The following TCF20 variants were observed in gnomAD, a reference collection of about 807,000 sequenced individuals.
TCF20 encodes the protein SPRE-binding protein.
A neutral mutation model predicts 148.6 loss-of-function variants in TCF20; 3 were observed. The observed-to-expected ratio is 0.02, with a 90% CI of 0.01 to 0.05. TCF20 has a LOEUF of 0.05. Ranked by LOEUF, TCF20 falls within the 10% of genes least tolerant of loss-of-function variation. TCF20 has a pLI of 1.00. For synonymous variants in TCF20, 1,049 were observed against 909.5 expected, an observed-to-expected ratio of 1.15 and a Z score of -2.76; for missense variants, 2,350 against 2,429.3, an observed-to-expected ratio of 0.97 and a Z score of 0.69.
In TCF20 at chr22:42,213,249, G is replaced by A; in HGVS notation, c.2057C>T (p.Ser686Phe). ...NGEGNGQSGH[S>F]AAGPGFTSRT... ...GCTCGTAAAACCAGGGCCCGCTGCA[G>A]AGTGGCCACTCTGGCCATTTCCTTC... Residue 686 changes from serine to phenylalanine, a missense_variant, in exon 2 of 6, where the codon TCT becomes TTT. Physicochemically the swap from Ser to Phe is radical, Grantham distance 155. This residue lies in a region of TCF20 where 1,641 missense variants were observed against 1,662.6 expected (regional missense o/e 0.99). Transcript: ENST00000677622. 6.2e-7 allele frequency: 1 copy of A among 1,614,188 alleles called. No individual in the cohort carries two copies. The highest frequency in any genetic ancestry group is 8.5e-7 in the Non-Finnish European group (1 of 1,180,034).
In TCF20 at chr22:42,211,853, A is replaced by G; in HGVS notation, c.3453T>C (p.Thr1151=). The change falls in exon 2 of 6, where the codon ACT becomes ACC. Residue 1151 remains threonine (T), a synonymous_variant. Transcript: ENST00000677622. ...DGMMYGPPVG[T]YHDPSAQEAG... ...CCTCCTGGGCACTGGGGTCATGGTA[A>G]GTCCCCACTGGTGGGCCATACATCA... is the stretch of plus-strand genomic sequence containing the variant. 1 of 1,614,166 alleles carries G rather than the reference A, an allele frequency of 6.2e-7. No homozygotes were observed.
chr22:42,250,629 G>A (rs1925287559), intron 1 of TCF20, among the ~76,000 whole-genome samples: 1 of 152,220 alleles, frequency 6.6e-6, no homozygotes, highest in East Asian at 1.9e-4. Context: ...GTATTTCAGA[G>A]GACCACAGTT....
At chr22:42,215,401 G>C (rs2147225522) in intron 1 of TCF20, 60 bp from the exon 2 acceptor site, 2 of 1,498,182 alleles carry the variant, frequency 1.3e-6, no homozygotes, top group South Asian at 2.7e-5. Context: ...ATAAAATCAA[G>C]TCTAGATGAT....
intron 1 of TCF20, among the ~76,000 whole-genome samples, chr22:42,239,960 A>G (rs377282714): frequency 2.2e-4 from 34 of 152,206 alleles, no homozygotes; most frequent in African/African-American, 8.2e-4. Flanking sequence ...AAACAAAAAA[A>G]TCCCACAATA....
intron 1 of TCF20, among the ~76,000 whole-genome samples, chr22:42,232,805 G>GAAAAA (rs373162435): frequency 7.6e-6 from 1 of 131,396 alleles, no homozygotes; most frequent in Non-Finnish European, 1.6e-5. Context: ...TCTCCAAAAA[G>GAAAAA]AAAAAAAAAA....
intron 1 of TCF20, among the ~76,000 whole-genome samples, chr22:42,329,337 G>A (rs971621461): frequency 2.6e-5 from 4 of 152,224 alleles, no homozygotes; most frequent in East Asian, 1.9e-4. Context: ...CGAGACTGGC[G>A]CCCAGCCTGA....
chr22:42,193,360 G>A (rs1937436525), intron 2 of TCF20, among the ~76,000 whole-genome samples: 1 of 149,924 alleles, frequency 6.7e-6, no homozygotes, highest in Middle Eastern at 3.4e-3. Flanking sequence ...AGGTTGCAGT[G>A]AGCTTTGATT....
chr22:42,233,919 T>C (rs1466480460), intron 1 of TCF20, among the ~76,000 whole-genome samples: 1 of 152,216 alleles, frequency 6.6e-6, no homozygotes, highest in African/African-American at 2.4e-5. Context: ...CCTAACTTGT[T>C]ATTAAAAATG....
At position 42,188,249 on chromosome 22, in the gene TCF20, T is replaced by C. The variant is rs980561310; in HGVS notation, c.5656-8547A>G. 2.4e-5 allele frequency among the ~76,000 whole-genome samples: 3 copies of C among 125,066 alleles called. No homozygotes were observed. In the Admixed American group the frequency reaches 3.3e-4, roughly 14 times the overall value. 82.0% of individuals were successfully genotyped at this position (125,066 alleles called of 152,430 possible). On this transcript the variant is annotated intron_variant, in intron 2 of 5. Coordinates refer to ENST00000677622, the MANE Select transcript of TCF20 (RefSeq NM_001378418.1). ...GTGGAGGTTGCAGTGAGCGAGATCA[T>C]GCCATTGTACTCCAGCCTGGGCAAC...
In TCF20 at chr22:42,214,007, T is replaced by C; in HGVS notation, c.1299A>G (p.Ala433=). The part of the protein sequence containing the change: ...SMMPSPNSHA[A]GFKGFGLEGV... ...CTTCTAGTCCAAACCCTTTGAAGCC[T>C]GCAGCATGAGAATTAGGACTGGGCA... Residue 433 remains alanine, a synonymous_variant, in exon 2 of 6, where the codon GCA becomes GCG. Coordinates refer to ENST00000677622, the MANE Select transcript of TCF20 (RefSeq NM_001378418.1). 3 of 1,614,222 alleles carry C rather than the reference T, an allele frequency of 1.9e-6. No homozygotes were observed. The highest frequency in any genetic ancestry group is 2.5e-6 in the Non-Finnish European group (3 of 1,180,040).
At chr22:42,215,501 C>T (rs1471433135) in intron 1 of TCF20, 160 bp from the exon 2 acceptor site, 11 of 924,494 alleles carry the variant, frequency 1.2e-5, no homozygotes, top group African/African-American at 3.4e-5. Context: ...ACAAGAGTCT[C>T]ACTCTGTCAC....
At chr22:42,229,791 G>A (rs1190548915) in intron 1 of TCF20, among the ~76,000 whole-genome samples, 2 of 152,296 alleles carry the variant, frequency 1.3e-5, no homozygotes, top group East Asian at 3.9e-4. Flanking sequence ...TCAGCTTGGT[G>A]ATCTTGCCTT....
chr22:42,324,126 GGTGGTGGTGGTGGTGGTGGTGATA>G (rs1179837161), intron 1 of TCF20, among the ~76,000 whole-genome samples: 4 of 127,604 alleles, frequency 3.1e-5, no homozygotes, highest in African/African-American at 7.0e-5. Flanking sequence ...TGGTGGTTAT[GGTGGTGGTGGTGGTGGTGGTGATA>G]GAGGTTATGG....
At chr22:42,178,212 T>A (rs541640990) in intron 3 of TCF20, among the ~76,000 whole-genome samples, 3 of 152,354 alleles carry the variant, frequency 2.0e-5, no homozygotes, top group African/African-American at 7.2e-5. Flanking sequence ...GCTGTTCATC[T>A]GCATCCTTTA....
rs548788019 is a variant in TCF20 at position 42,255,795 on chromosome 22, G to A, written c.-37+14544C>T. Among the ~76,000 whole-genome samples, 6 of 150,812 alleles carry A rather than the reference G, an allele frequency of 4.0e-5. 1 individual carries two copies. The highest frequency in any genetic ancestry group is 4.2e-4 in the South Asian group (2 of 4,776). On this transcript the variant is annotated intron_variant, in intron 1 of 5. Coordinates refer to ENST00000677622, the MANE Select transcript of TCF20 (RefSeq NM_001378418.1). ...ACCATCTCTCCTCAGTCAGAACAAC[G>A]CCCCCAACCATGTATTCACACCTCT...
intron 1 of TCF20, among the ~76,000 whole-genome samples, chr22:42,245,080 C>G (rs1198436121): frequency 6.6e-6 from 1 of 151,850 alleles, no homozygotes; most frequent in African/African-American, 2.4e-5. Flanking sequence ...CGGATCCTGT[C>G]TCAGAAGAGA....
chr22:42,225,580 GTCC>G (rs1374436812), intron 1 of TCF20, among the ~76,000 whole-genome samples: 1 of 144,760 alleles, frequency 6.9e-6, no homozygotes, highest in Non-Finnish European at 1.5e-5. Flanking sequence ...CGCCACTGCA[GTCC>G]GCAGTCCGGC....
rs1920947877 is a variant in TCF20 at position 42,211,069 on chromosome 22, C to T, written c.4237G>A (p.Ala1413Thr). ...ADIEKRKGEV[A>T]SDLVSPANQE... ...TTTGCTGGACTGACTAGGTCCGAAG[C>T]CACCTCACCTTTTCTCTTCTCTATG... is the stretch of plus-strand genomic sequence containing the variant. Residue 1413 changes from alanine to threonine, a missense_variant, in exon 2 of 6, where the codon GCT (alanine) becomes ACT (threonine). Around this residue, in one of 7 missense-constraint regions of TCF20, gnomAD observed 231 missense variants for 213.7 expected, o/e 1.08. Coordinates refer to ENST00000677622, the MANE Select transcript of TCF20 (RefSeq NM_001378418.1). The T allele has an allele frequency of 3.1e-6, 5 of 1,614,048 alleles. No individual in the cohort carries two copies. The highest frequency in any genetic ancestry group is 4.2e-6 in the Non-Finnish European group (5 of 1,180,046).
At chr22:42,164,473 C>T (rs138266238) in intron 5 of TCF20, among the ~76,000 whole-genome samples, 524 of 152,168 alleles carry the variant, frequency 3.4e-3, no homozygotes, top group African/African-American at 0.012. Context: ...TCGTGATCTG[C>T]CCGCCTCCCA....
Sources: gnomAD v4.1 joint callset for allele counts (sites outside exome capture counted in the v4.1 genomes callset) on GRCh38, gnomAD v4.1.1 for gene constraint, gnomAD v4.1.1 regional missense constraint, MANE v1.5 for transcripts, NCBI Gene and HGNC (gene_info 2026-07-23, HGNC 2026-07-21) for gene names.